Variants in OLA1 observed in about 807,000 individuals in gnomAD.
OLA1 encodes obg-like ATPase 1.
Under a neutral mutation model 48.4 loss-of-function variants are expected in OLA1, and 14 were observed. The ratio of observed to expected loss-of-function variants is 0.29; its 90% CI spans 0.19 to 0.45. The LOEUF (loss-of-function observed/expected upper bound fraction) is 0.45, where lower values mean the gene tolerates loss of function less well. Ranked by LOEUF, OLA1 falls within the 20% of genes least tolerant of loss-of-function variation. OLA1 has a pLI of 1.00. For missense variants in OLA1, 325 were observed against 467.1 expected (o/e 0.70, Z 2.80); for synonymous variants, 127 against 150.4 (o/e 0.84, Z 1.14).
intron 4 of OLA1, among the ~76,000 whole-genome samples, chr2:174,205,195 T>C (rs1453379691): frequency 6.6e-6 from 1 of 152,190 alleles, no homozygotes; most frequent in Non-Finnish European, 1.5e-5. Context: ...TTTTTAAAAA[T>C]CATATTCAAA....
intron 4 of OLA1, among the ~76,000 whole-genome samples, chr2:174,167,192 G>A (rs570967546): frequency 1.3e-5 from 2 of 151,626 alleles, no homozygotes; most frequent in East Asian, 3.9e-4. Context: ...CTATCATACT[G>A]GACTGAATCT....
At chr2:174,181,036 A>G (rs938618534) in intron 4 of OLA1, among the ~76,000 whole-genome samples, 1 of 152,260 alleles carries the variant, frequency 6.6e-6, no homozygotes, top group Non-Finnish European at 1.5e-5. Context: ...GGAGGCTGGT[A>G]GCATCATTCA....
At chr2:174,208,977 C>T (rs1688175815) in intron 4 of OLA1, among the ~76,000 whole-genome samples, 1 of 152,154 alleles carries the variant, frequency 6.6e-6, no homozygotes, top group Non-Finnish European at 1.5e-5. Context: ...TATTTTGAGG[C>T]CTCTAACATG....
chr2:174,151,761 T>C (rs1686752766), intron 4 of OLA1, among the ~76,000 whole-genome samples: 1 of 152,218 alleles, frequency 6.6e-6, no homozygotes, highest in Middle Eastern at 3.2e-3. Context: ...TTAATATCTA[T>C]AGTTTTATTA....
At chr2:174,239,108 TC>T (rs1396381449) in intron 2 of OLA1, among the ~76,000 whole-genome samples, 3 of 152,214 alleles carry the variant, frequency 2.0e-5, no homozygotes, top group Non-Finnish European at 2.9e-5. Context: ...ACAAATTGTT[TC>T]TTCTAAATGT....
At position 174,165,895 on chromosome 2, in the gene OLA1, G is replaced by C. The variant is rs1004143865; in HGVS notation, c.374-23895C>G. Among the ~76,000 whole-genome samples, 5 of 152,168 alleles carry C rather than the reference G, an allele frequency of 3.3e-5. 1 individual carries two copies. Among genetic ancestry groups the C allele is most frequent in the Admixed American group, 3.3e-4 (5 of 15,268 alleles). On this transcript the variant is annotated intron_variant, in intron 4 of 10. Transcript: ENST00000284719. ...CCAACACTCTGAGAGGCTGAGGCAGGCTGATCACTTGAGGTCAGGAGTTTG... is the reference window on the plus strand; with the variant it reads ...CCAACACTCTGAGAGGCTGAGGCAGCCTGATCACTTGAGGTCAGGAGTTTG...
intron 7 of OLA1, among the ~76,000 whole-genome samples, chr2:174,089,349 T>C (rs1047823518): frequency 6.6e-6 from 1 of 152,172 alleles, no homozygotes; most frequent in African/African-American, 2.4e-5. Flanking sequence ...GCACATGAAC[T>C]GAAAGTACAA....
At chr2:174,179,875 C>T (rs1452051238) in intron 4 of OLA1, among the ~76,000 whole-genome samples, 1 of 151,902 alleles carries the variant, frequency 6.6e-6, no homozygotes, top group Non-Finnish European at 1.5e-5. Context: ...ACTTGCAAGT[C>T]ACATAATGAG....
At chr2:174,241,824 T>G (rs1274972468) in intron 2 of OLA1, among the ~76,000 whole-genome samples, 1 of 152,082 alleles carries the variant, frequency 6.6e-6, no homozygotes, top group African/African-American at 2.4e-5. Context: ...TTAGTAGACA[T>G]GGGGTTTCAC....
At chr2:174,241,276 C>G (rs754506716) in intron 2 of OLA1, among the ~76,000 whole-genome samples, 1 of 152,192 alleles carries the variant, frequency 6.6e-6, no homozygotes. Flanking sequence ...GGCAGAAGAC[C>G]TTTCTAACTC....
intron 7 of OLA1, among the ~76,000 whole-genome samples, chr2:174,111,896 A>C (rs1197229239): frequency 6.6e-6 from 1 of 152,212 alleles, no homozygotes; most frequent in African/African-American, 2.4e-5. Context: ...TCAATATAAA[A>C]ATATATAAAC....
At chr2:174,152,696 T>TATTAATTACTTGGTCTACC in intron 4 of OLA1, among the ~76,000 whole-genome samples, 1 of 152,226 alleles carries the variant, frequency 6.6e-6, no homozygotes. Flanking sequence ...ATTGGTCTAG[T>TATTAATTACTTGGTCTACC]AATGTAAACT....
intron 4 of OLA1, among the ~76,000 whole-genome samples, chr2:174,188,976 T>TA (rs754190087): frequency 1.3e-5 from 2 of 152,150 alleles, no homozygotes; most frequent in African/African-American, 2.4e-5. Flanking sequence ...ATCTTAATTA[T>TA]ATAAAAGGTA....
chr2:174,156,531 A>T (rs1329331048), intron 4 of OLA1, among the ~76,000 whole-genome samples: 1 of 149,710 alleles, frequency 6.7e-6, no homozygotes, highest in Non-Finnish European at 1.5e-5. Flanking sequence ...ATTTTCAGAG[A>T]CGTATTCTTG....
intron 4 of OLA1, among the ~76,000 whole-genome samples, chr2:174,212,279 T>C (rs1434305156): frequency 6.6e-6 from 1 of 152,236 alleles, no homozygotes; most frequent in Non-Finnish European, 1.5e-5. Flanking sequence ...TGGTAAGTAT[T>C]TGTGTATCTA....
intron 4 of OLA1, among the ~76,000 whole-genome samples, chr2:174,150,594 G>A (rs1218669638): frequency 1.3e-5 from 2 of 152,130 alleles, no homozygotes; most frequent in African/African-American, 4.8e-5. Context: ...ATACAATACA[G>A]AGACACAGAA....
intron 4 of OLA1, among the ~76,000 whole-genome samples, chr2:174,182,247 G>A (rs1415098310): frequency 1.3e-5 from 2 of 152,070 alleles, no homozygotes; most frequent in Admixed American, 6.6e-5. Context: ...TCTTTCGGCC[G>A]GGCGCGGTGG....
intron 7 of OLA1, among the ~76,000 whole-genome samples, chr2:174,089,008 C>T (rs997574568): frequency 5.9e-5 from 9 of 152,160 alleles, no homozygotes; most frequent in Admixed American, 6.5e-5. Context: ...TGCAACTTTG[C>T]TACGCAAAGT....
At chr2:174,219,316 G>C (rs780712269) in intron 4 of OLA1, among the ~76,000 whole-genome samples, 2 of 144,892 alleles carry the variant, frequency 1.4e-5, no homozygotes, top group African/African-American at 2.6e-5. Context: ...ATTCTATATT[G>C]TTTATGCTCA....
Sources: gnomAD v4.1 joint callset for allele counts (sites outside exome capture counted in the v4.1 genomes callset) on GRCh38, gnomAD v4.1.1 for gene constraint, MANE v1.5 for transcripts, NCBI Gene and HGNC (gene_info 2026-07-23, HGNC 2026-07-21) for gene names.